The following RXFP2 variants were observed in gnomAD, a reference collection of about 807,000 sequenced individuals.
RXFP2 encodes relaxin family peptide receptor 2.
In RXFP2, 68 loss-of-function variants were observed where a neutral mutation model predicts 88.6. The ratio of observed to expected loss-of-function variants is 0.77; its 90% CI spans 0.63 to 0.94. The LOEUF (loss-of-function observed/expected upper bound fraction) is 0.94, where lower values mean the gene tolerates loss of function less well. Among genes scored for constraint, RXFP2 ranks in the 40% least tolerant of loss-of-function variants. The pLI, the probability that RXFP2 is intolerant of heterozygous loss-of-function variation, is 0.00. For missense variants in RXFP2, 791 were observed against 893.9 expected, an observed-to-expected ratio of 0.88 and a Z score of 1.47; for synonymous variants, 329 against 306.8, an observed-to-expected ratio of 1.07 and a Z score of -0.76.
At position 31,803,043 on chromosome 13, in the gene RXFP2, AG is replaced by A. The variant is rs1874430723; in HGVS notation, c.*639del. 6.6e-6 allele frequency: 1 copy of A among 152,454 alleles called. No homozygotes were observed. Among genetic ancestry groups the A allele is most frequent in the African/African-American group, 2.4e-5 (1 of 41,460 alleles). 9.4% of individuals were successfully genotyped at this position (152,454 alleles called of 1,614,324 possible). A position where few individuals can be genotyped will look rare whatever the true frequency, so the allele number is the denominator to read the frequency against. ...TGCCTTTTGGATTTTATTTAATATC[AG>A]AAGAGATGAATTCTTAAGATATTTT... is the stretch of plus-strand genomic sequence containing the variant. On this transcript the variant is annotated 3_prime_UTR_variant, in exon 18 of 18. Coordinates refer to ENST00000298386, the MANE Select transcript of RXFP2 (RefSeq NM_130806.5).
chr13:31,773,412 C>T (rs1372071207), intron 5 of RXFP2, among the ~76,000 whole-genome samples: 1 of 151,238 alleles, frequency 6.6e-6, no homozygotes, highest in African/African-American at 2.4e-5. Context: ...TAACTGGAAG[C>T]CTGTCCTGGC....
intron 16 of RXFP2, among the ~76,000 whole-genome samples, chr13:31,794,360 AAC>A (rs542925981): frequency 8.6e-6 from 1 of 116,578 alleles, no homozygotes; most frequent in African/African-American, 3.3e-5. Flanking sequence ...CTCTCCCTGA[AAC>A]ACACACCACA....
chr13:31,741,917 G>T (rs938030183), intron 1 of RXFP2, among the ~76,000 whole-genome samples: 8 of 151,194 alleles, frequency 5.3e-5, no homozygotes, highest in Non-Finnish European at 1.0e-4. Flanking sequence ...ATTGTGTTTT[G>T]TGGAATTTCA....
intron 2 of RXFP2, 144 bp from the exon 3 acceptor site, chr13:31,761,580 T>C: frequency 1.6e-6 from 1 of 614,640 alleles, no homozygotes; most frequent in Non-Finnish European, 3.0e-6. Context: ...TGCCTAACTT[T>C]TTCTCTCTTA....
intron 3 of RXFP2, among the ~76,000 whole-genome samples, chr13:31,763,344 C>T (rs1482575061): frequency 6.6e-6 from 1 of 152,064 alleles, no homozygotes; most frequent in South Asian, 2.1e-4. Context: ...CTCAGCCCCC[C>T]AAAGTGTTGG....
At chr13:31,777,267 G>A (rs895002199) in intron 7 of RXFP2, 109 bp from the exon 8 acceptor site, 4 of 745,050 alleles carry the variant, frequency 5.4e-6, no homozygotes, top group African/African-American at 1.7e-5. Context: ...AGGGACAGGT[G>A]AGCCAAGTAT....
Position 31,789,134 on chromosome 13 carries a change from G to T in RXFP2, c.1086G>T (p.Arg362Ser). The T allele has an allele frequency of 6.2e-7, 1 of 1,605,282 alleles. No individual in the cohort carries two copies. The highest frequency in any genetic ancestry group is 1.1e-5 in the South Asian group (1 of 90,918). ...GTGTATTTTCCAGAGACCTGGAAAG[G>T]ATAGAGATTCCAAATATAAACACAC... is the stretch of plus-strand genomic sequence containing the variant. The part of the protein sequence containing the change: ...LKQLQSLDLE[R>S]IEIPNINTRM... Residue 362 changes from arginine to serine, a missense_variant, in exon 14 of 18, where the codon AGG (arginine) becomes AGT (serine). Physicochemically the swap from Arg to Ser is moderately radical, Grantham distance 110 (BLOSUM62 -1). Coordinates refer to ENST00000298386, the MANE Select transcript of RXFP2 (RefSeq NM_130806.5).
intron 1 of RXFP2, among the ~76,000 whole-genome samples, chr13:31,751,905 T>C (rs1871689314): frequency 1.3e-5 from 2 of 152,324 alleles, no homozygotes; most frequent in South Asian, 2.1e-4. Flanking sequence ...AGATGAATTT[T>C]ACATACTGAA....
In RXFP2 at chr13:31,792,896, C is replaced by G. The variant is rs138951290; in HGVS notation, c.1594C>G (p.Arg532Gly). The G allele has an allele frequency of 1.3e-3, 2,095 of 1,614,092 alleles. 1 individual carries two copies. Among genetic ancestry groups the G allele is most frequent in the Non-Finnish European group, 1.6e-3 (1,851 of 1,180,020 alleles). Residue 532 changes from arginine (R) to glycine (G), a missense_variant, in exon 16 of 18, where the codon CGA (arginine) becomes GGA (glycine). Physicochemically the swap from Arg to Gly is moderately radical, Grantham distance 125 (BLOSUM62 -2). Coordinates refer to ENST00000298386, the MANE Select transcript of RXFP2 (RefSeq NM_130806.5). Reference protein sequence around the residue: ...LVIVFPFSNIRPGKRQTSVIL... With the variant: ...LVIVFPFSNIGPGKRQTSVIL... Reference sequence around the variant, plus strand: ...CATTGTCTTCCCCTTCAGTAACATTCGACCTGGAAAACGGCAGACCTCAGT... The same window carrying G: ...CATTGTCTTCCCCTTCAGTAACATTGGACCTGGAAAACGGCAGACCTCAGT...
intron 11 of RXFP2, among the ~76,000 whole-genome samples, chr13:31,785,559 ATCTAGTTGCTAC>A (rs1873495933): frequency 6.6e-6 from 1 of 151,174 alleles, no homozygotes. Context: ...CCTTGTTTGT[ATCTAGTTGCTAC>A]TCTAAATGTA....
At chr13:31,752,731 C>A (rs901157575) in intron 1 of RXFP2, among the ~76,000 whole-genome samples, 1 of 152,118 alleles carries the variant, frequency 6.6e-6, no homozygotes, top group African/African-American at 2.4e-5. Flanking sequence ...TGGCCAGGTG[C>A]ACTCCGCTGA....
intron 5 of RXFP2, among the ~76,000 whole-genome samples, chr13:31,770,798 C>A (rs1435978764): frequency 6.6e-6 from 1 of 152,158 alleles, no homozygotes; most frequent in Non-Finnish European, 1.5e-5. Flanking sequence ...CCATACCCTC[C>A]TCATGGGCTG....
intron 17 of RXFP2, among the ~76,000 whole-genome samples, 159 bp from the exon 18 acceptor site, chr13:31,801,987 C>T (rs2138476003): frequency 6.6e-6 from 1 of 152,326 alleles, no homozygotes; most frequent in Admixed American, 6.5e-5. Flanking sequence ...GAATTCATAG[C>T]TTCTGTGCTC....
intron 7 of RXFP2, among the ~76,000 whole-genome samples, chr13:31,775,630 T>C (rs1408825714): frequency 2.0e-5 from 3 of 152,202 alleles, no homozygotes; most frequent in African/African-American, 4.8e-5. Context: ...GCCTGTAGTA[T>C]ACCCCTTCTC....
intron 7 of RXFP2, among the ~76,000 whole-genome samples, 178 bp from the exon 8 acceptor site, chr13:31,777,198 G>A (rs1285647579): frequency 6.6e-6 from 1 of 152,168 alleles, no homozygotes; most frequent in Non-Finnish European, 1.5e-5. Context: ...GATGGAAGCT[G>A]TAGGAATTTG....
At chr13:31,776,192 T>C (rs1433955881) in intron 7 of RXFP2, among the ~76,000 whole-genome samples, 1 of 149,612 alleles carries the variant, frequency 6.7e-6, no homozygotes, top group African/African-American at 2.5e-5. Context: ...CTCTCTTTCT[T>C]TCTTTTTTCT....
At chr13:31,740,374 T>A (rs1178894695) in intron 1 of RXFP2, among the ~76,000 whole-genome samples, 2 of 152,110 alleles carry the variant, frequency 1.3e-5, no homozygotes, top group African/African-American at 4.8e-5. Context: ...AAAGATACGT[T>A]GTCAGCCTAT....
At chr13:31,753,807 CCTT>C (rs1241757716) in intron 1 of RXFP2, among the ~76,000 whole-genome samples, 1 of 151,892 alleles carries the variant, frequency 6.6e-6, no homozygotes, top group Non-Finnish European at 1.5e-5. Context: ...TCCTTCAATT[CCTT>C]TTTTTTTTAT....
intron 1 of RXFP2, among the ~76,000 whole-genome samples, chr13:31,744,894 C>T (rs9603615): frequency 0.34 from 51,446 of 151,996 alleles, 9,907 homozygotes; most frequent in Admixed American, 0.45. Flanking sequence ...ATCAGCTGGG[C>T]GTGGTGACTC....
Sources: gnomAD v4.1 joint callset for allele counts (sites outside exome capture counted in the v4.1 genomes callset) on GRCh38, gnomAD v4.1.1 for gene constraint, MANE v1.5 for transcripts, NCBI Gene and HGNC (gene_info 2026-07-23, HGNC 2026-07-21) for gene names.